The following XIRP2 variants were observed in gnomAD, a reference collection of about 807,000 sequenced individuals.
The protein encoded by XIRP2 is xin actin binding repeat containing 2.
Under a neutral mutation model 277.0 loss-of-function variants are expected in XIRP2, and 236 were observed. The ratio of observed to expected loss-of-function variants is 0.85; its 90% CI spans 0.77 to 0.95. The LOEUF is 0.95. Among genes scored for constraint, XIRP2 ranks in the 40% least tolerant of loss-of-function variants. The probability of loss-of-function intolerance (pLI) is 0.00; values close to 1 mark genes in which losing one functional copy is unlikely to be tolerated. For synonymous variants in XIRP2, 1,490 were observed against 1,416.5 expected (o/e 1.05, Z -1.17); for missense variants, 4,640 against 4,157.5 (o/e 1.12, Z -3.19).
At chr2:167,009,303 AAT>A (rs1558945724) in intron 2 of XIRP2, among the ~76,000 whole-genome samples, 1 of 144,880 alleles carries the variant, frequency 6.9e-6, no homozygotes, top group Admixed American at 7.3e-5. Flanking sequence ...TATGAGTGAG[AAT>A]ATGTGGTGTT....
intron 2 of XIRP2, among the ~76,000 whole-genome samples, chr2:167,096,471 C>A (rs13413772): frequency 5.3e-5 from 8 of 152,020 alleles, no homozygotes; most frequent in African/African-American, 7.2e-5. Context: ...AGTGGTCTAT[C>A]TATTTTGCCA....
chr2:166,906,641 G>C (rs1248781580), intron 2 of XIRP2, among the ~76,000 whole-genome samples: 1 of 151,972 alleles, frequency 6.6e-6, no homozygotes, highest in East Asian at 1.9e-4. Context: ...ACTAGAAAAA[G>C]GGATCTACAG....
intron 3 of XIRP2, among the ~76,000 whole-genome samples, chr2:167,144,540 A>C (rs1293624856): frequency 6.6e-6 from 1 of 152,030 alleles, no homozygotes; most frequent in Non-Finnish European, 1.5e-5. Context: ...TCACTCTGTT[A>C]ATTGTTTTGT....
Position 167,242,562 on chromosome 2 carries a change from C to G in XIRP2, c.1177-7C>G, listed in dbSNP as rs1695103472. On this transcript the variant is annotated splice_polypyrimidine_tract_variant and splice_region_variant and intron_variant, in intron 8 of 10. Transcript: ENST00000409195. ...CTTTATAAGATTTGATTTTCTCTCCCCTAAAGACTGAAAGTGAATATGAAG... is the reference window on the plus strand; with the variant it reads ...CTTTATAAGATTTGATTTTCTCTCCGCTAAAGACTGAAAGTGAATATGAAG... 1 of 1,603,148 alleles carries G rather than the reference C, an allele frequency of 6.2e-7. No homozygotes were observed. Among genetic ancestry groups the G allele is most frequent in the Non-Finnish European group, 8.5e-7 (1 of 1,174,194 alleles).
In XIRP2 at chr2:167,258,230, A is replaced by C. The variant is rs200667381; in HGVS notation, c.*413A>C. 1 of 1,613,082 alleles carries C rather than the reference A, an allele frequency of 6.2e-7. No homozygotes were observed. Among genetic ancestry groups the C allele is most frequent in the Admixed American group, 1.7e-5 (1 of 59,838 alleles). On this transcript the variant is annotated 3_prime_UTR_variant, in exon 11 of 11. Transcript: ENST00000409195. The stretch of plus-strand genomic sequence containing the variant: ...GGAAGAGCTCAAAATGAGTAAACCT[A>C]AGTGGCCACCTGAAATGACAACCCT...
At chr2:166,925,595 A>G (rs1028480000) in intron 2 of XIRP2, among the ~76,000 whole-genome samples, 3 of 51,730 alleles carry the variant, frequency 5.8e-5, no homozygotes, top group South Asian at 1.5e-3. Flanking sequence ...ATGTGTATAT[A>G]CATATATATA....
At chr2:166,955,287 A>T (rs570371754) in intron 2 of XIRP2, among the ~76,000 whole-genome samples, 1 of 151,970 alleles carries the variant, frequency 6.6e-6, no homozygotes, top group East Asian at 1.9e-4. Flanking sequence ...TCAAAACCCT[A>T]TGCTAAGTGA....
chr2:166,908,933 G>A (rs1684617631), intron 2 of XIRP2, among the ~76,000 whole-genome samples: 1 of 152,102 alleles, frequency 6.6e-6, no homozygotes, highest in Non-Finnish European at 1.5e-5. Context: ...TTGTAGATGT[G>A]TGCTATTATT....
At chr2:167,102,882 T>C (rs2105287583) in intron 2 of XIRP2, among the ~76,000 whole-genome samples, 1 of 152,350 alleles carries the variant, frequency 6.6e-6, no homozygotes, top group East Asian at 1.9e-4. Context: ...TTTAGGTCTT[T>C]GTCACTTGGG....
intron 1 of XIRP2, 46 bp downstream of exon 1, chr2:166,888,603 C>A (rs1684016071): frequency 6.6e-6 from 1 of 152,162 alleles, no homozygotes; most frequent in Non-Finnish European, 1.5e-5. Flanking sequence ...ATTTTTTCTA[C>A]ACATACATGC....
Position 167,218,686 on chromosome 2 carries a change from T to G in XIRP2, c.858+386T>G, listed in dbSNP as rs140906870. Among the ~76,000 whole-genome samples the G allele has an allele frequency of 1.6e-3, 240 of 152,312 alleles. 4 individuals are homozygous for G. In the East Asian group the frequency reaches 0.021, roughly 13 times the overall value. On this transcript the variant is annotated intron_variant, in intron 5 of 10. Transcript: ENST00000409195. ...CTGCTGGTTATTTGCATAGATTAAG[T>G]TGGAAGCATTATTCAGCTGTTTATT...
At chr2:167,200,845 G>A (rs1399233384) in intron 3 of XIRP2, among the ~76,000 whole-genome samples, 2 of 152,074 alleles carry the variant, frequency 1.3e-5, no homozygotes, top group African/African-American at 4.8e-5. Flanking sequence ...CCATATACCT[G>A]CCGGGTGTGG....
chr2:167,024,625 C>G (rs932960098), intron 2 of XIRP2, among the ~76,000 whole-genome samples: 6 of 152,150 alleles, frequency 3.9e-5, no homozygotes, highest in African/African-American at 1.4e-4. Context: ...TGAGATACAT[C>G]CCATCAATAC....
intron 2 of XIRP2, among the ~76,000 whole-genome samples, chr2:166,980,759 G>T (rs1686842866): frequency 6.6e-6 from 1 of 151,944 alleles, no homozygotes; most frequent in Admixed American, 6.6e-5. Flanking sequence ...TGTAGTTATT[G>T]GTATGACTGG....
At chr2:167,080,547 C>T (rs117187632) in intron 2 of XIRP2, among the ~76,000 whole-genome samples, 2,460 of 152,212 alleles carry the variant, frequency 0.016, 27 homozygotes, top group African/African-American at 0.025. Context: ...GAAGTATATT[C>T]AATTCCTCTC....
At chr2:167,191,983 T>C (rs1693353787) in intron 3 of XIRP2, among the ~76,000 whole-genome samples, 1 of 152,224 alleles carries the variant, frequency 6.6e-6, no homozygotes, top group African/African-American at 2.4e-5. Context: ...TGAATATATC[T>C]GCATGTATAT....
intron 2 of XIRP2, among the ~76,000 whole-genome samples, chr2:166,996,708 T>C (rs116531315): frequency 0.055 from 8,360 of 152,250 alleles, 292 homozygotes; most frequent in Non-Finnish European, 0.08. Context: ...TCTAGTGTAA[T>C]ACAATAAAAT....
chr2:167,152,822 T>C (rs973382566), intron 3 of XIRP2, among the ~76,000 whole-genome samples: 1 of 152,134 alleles, frequency 6.6e-6, no homozygotes, highest in African/African-American at 2.4e-5. Flanking sequence ...GGAATCACTG[T>C]GAGAAGCACA....
At chr2:167,032,826 A>T (rs1478166423) in intron 2 of XIRP2, among the ~76,000 whole-genome samples, 5 of 152,192 alleles carry the variant, frequency 3.3e-5, no homozygotes, top group Non-Finnish European at 7.3e-5. Flanking sequence ...AGAAACAGGA[A>T]TGCTTTTACA....
Sources: allele counts gnomAD v4.1 joint callset (sites outside exome capture counted in the v4.1 genomes callset), GRCh38; gene constraint gnomAD v4.1.1; transcripts MANE v1.5; gene names NCBI Gene and HGNC (gene_info 2026-07-23, HGNC 2026-07-21).